ITGA8: variants seen among roughly 807,000 people sequenced by gnomAD.
ITGA8 encodes integrin alpha-8.
In ITGA8, 91 loss-of-function variants were observed where a neutral mutation model predicts 142.3. The observed-to-expected ratio is 0.64, with a 90% CI of 0.54 to 0.76. The LOEUF is 0.76. ITGA8 is among the 30% of genes least tolerant of loss of function. ITGA8 has a pLI of 0.00. For missense variants in ITGA8, 1,406 were observed against 1,327.7 expected (o/e 1.06, Z -0.92); for synonymous variants, 505 against 485.2 (o/e 1.04, Z -0.54).
At chr10:15,665,435 G>C (rs1834369931) in intron 8 of ITGA8, among the ~76,000 whole-genome samples, 1 of 152,106 alleles carries the variant, frequency 6.6e-6, no homozygotes, top group Non-Finnish European at 1.5e-5. Flanking sequence ...CAGATGAGTA[G>C]GTTGCAAAAA....
chr10:15,578,142 G>A (rs1399583092), intron 23 of ITGA8, among the ~76,000 whole-genome samples: 4 of 151,940 alleles, frequency 2.6e-5, no homozygotes, highest in African/African-American at 4.8e-5. Flanking sequence ...CTATCACCAC[G>A]AAGATCCCCT....
At chr10:15,679,025 TG>T (rs1318227213) in intron 4 of ITGA8, among the ~76,000 whole-genome samples, 1 of 152,240 alleles carries the variant, frequency 6.6e-6, no homozygotes, top group African/African-American at 2.4e-5. Flanking sequence ...ACATCCCTTT[TG>T]GCTACTCTAT....
intron 28 of ITGA8, among the ~76,000 whole-genome samples, chr10:15,529,938 A>T (rs72779932): frequency 6.0e-4 from 91 of 152,368 alleles, no homozygotes; most frequent in Non-Finnish European, 1.1e-3. Flanking sequence ...TGCTGATGCC[A>T]TTGATCTGCA....
intron 4 of ITGA8, 49 bp from the exon 5 acceptor site, chr10:15,678,832 T>C: frequency 8.4e-7 from 1 of 1,187,328 alleles, no homozygotes; most frequent in Non-Finnish European, 1.2e-6. Context: ...ATTCCTGAAA[T>C]ATTTTTTAAT....
chr10:15,548,509 T>C lies in ITGA8; in HGVS notation c.2826A>G (p.Gly942=). 6.2e-7 allele frequency: 1 copy of C among 1,601,098 alleles called. No individual in the cohort carries two copies. The highest frequency in any genetic ancestry group is 1.8e-5 in the Admixed American group (1 of 55,724). Residue 942 remains glycine (G), a synonymous_variant, in exon 27 of 30, where the codon GGA becomes GGG. Transcript: ENST00000378076. ...ISCAVGRLEG[G]ESAVLKVRSR... ...ACCTGACTTTCAGGACTGCGCTTTC[T>C]CCTCCTTCGAGTCGTCCCACTGCAC... is the stretch of plus-strand genomic sequence containing the variant.
chr10:15,524,749 T>C (rs1833136594), intron 28 of ITGA8, among the ~76,000 whole-genome samples: 1 of 152,224 alleles, frequency 6.6e-6, no homozygotes, highest in Non-Finnish European at 1.5e-5. Context: ...TCTTTAAATA[T>C]GTGTTAGTGC....
chr10:15,715,430 C>T (rs548691797), intron 2 of ITGA8, among the ~76,000 whole-genome samples: 1 of 152,292 alleles, frequency 6.6e-6, no homozygotes, highest in South Asian at 2.1e-4. Context: ...CTATCAGGGT[C>T]AATCCTCTCC....
intron 20 of ITGA8, among the ~76,000 whole-genome samples, chr10:15,602,828 T>A (rs1588668885): frequency 6.6e-6 from 1 of 152,162 alleles, no homozygotes; most frequent in East Asian, 1.9e-4. Context: ...ATGTTTGAAA[T>A]AACAGGGAAA....
chr10:15,638,973 C>T lies in ITGA8; in HGVS notation c.1399+5057G>A, dbSNP rs58365785. ...GAGACCCTGTCTCTACAAAAAAAAT[C>T]AAAAAATTAGCCAGGTATGGTGGCC... On this transcript the variant is annotated intron_variant, in intron 13 of 29. Coordinates refer to ENST00000378076, the MANE Select transcript of ITGA8 (RefSeq NM_003638.3). 1.3e-4 allele frequency among the ~76,000 whole-genome samples: 19 copies of T among 151,804 alleles called. 1 individual carries two copies. Among genetic ancestry groups the T allele is most frequent in the African/African-American group, 4.6e-4 (19 of 41,404 alleles).
chr10:15,526,477 A>G (rs900604132), intron 28 of ITGA8, among the ~76,000 whole-genome samples: 1 of 152,104 alleles, frequency 6.6e-6, no homozygotes, highest in Non-Finnish European at 1.5e-5. Flanking sequence ...CACCCGGCCC[A>G]TTATAAGATT....
rs556942571 is a variant in ITGA8 at position 15,649,979 on chromosome 10, A to C, written c.1002-2928T>G. ...ATGCATTTAAAACAGATATACATAC[A>C]AAAATATGCACAAAAATGTGCATAG... On this transcript the variant is annotated intron_variant, in intron 11 of 29. Transcript: ENST00000378076. Among the ~76,000 whole-genome samples, 3 of 152,366 alleles carry C rather than the reference A, an allele frequency of 2.0e-5. No homozygotes were observed. The East Asian group carries it at 5.8e-4, about 29-fold the overall frequency.
At chr10:15,663,213 G>C (rs1398894105) in intron 8 of ITGA8, among the ~76,000 whole-genome samples, 2 of 152,096 alleles carry the variant, frequency 1.3e-5, no homozygotes, top group Non-Finnish European at 2.9e-5. Flanking sequence ...GTAGTGGTCT[G>C]GTGAGCTGAT....
chr10:15,608,402 TACACAC>T (rs3041592), intron 15 of ITGA8, 112 bp from the exon 16 acceptor site: 100 of 497,952 alleles, frequency 2.0e-4, no homozygotes, highest in East Asian at 3.2e-4. Flanking sequence ...TATTTCTAAT[TACACAC>T]ACACACACAC....
chr10:15,707,376 T>A (rs1486988709), intron 2 of ITGA8, among the ~76,000 whole-genome samples: 1 of 152,058 alleles, frequency 6.6e-6, no homozygotes. Flanking sequence ...AAGGAAAGGA[T>A]CCCAGAGCCA....
Position 15,719,864 on chromosome 10 carries a change from G to A in ITGA8, c.-93C>T. The A allele has an allele frequency of 2.0e-6, 2 of 993,184 alleles. No homozygotes were observed. The highest frequency in any genetic ancestry group is 3.5e-5 in the South Asian group (1 of 28,580). The allele number at this position is 993,184 out of a possible 1,614,324, so 61.5% of individuals were successfully genotyped here. A position where few individuals can be genotyped will look rare whatever the true frequency, so the allele number is the denominator to read the frequency against. Reference sequence around the variant, plus strand: ...GGCTGGTGGAATCTGGCGGTCCCCAGCTGCCCGTGTCCCGGGTCGGTGCGC... The same window carrying A: ...GGCTGGTGGAATCTGGCGGTCCCCAACTGCCCGTGTCCCGGGTCGGTGCGC... On this transcript the variant is annotated 5_prime_UTR_variant, in exon 1 of 30. Coordinates refer to ENST00000378076, the MANE Select transcript of ITGA8 (RefSeq NM_003638.3).
chr10:15,578,556 G>A (rs559595623), intron 23 of ITGA8, among the ~76,000 whole-genome samples: 81 of 152,164 alleles, frequency 5.3e-4, no homozygotes, highest in African/African-American at 5.3e-4. Context: ...AAGTATATAC[G>A]CAATCAGGAA....
At chr10:15,597,402 A>C in intron 20 of ITGA8, 103 bp from the exon 21 acceptor site, 8 of 855,984 alleles carry the variant, frequency 9.3e-6, no homozygotes. Context: ...TCAAACACCC[A>C]GGAGGGCGAT....
intron 13 of ITGA8, among the ~76,000 whole-genome samples, chr10:15,639,085 G>C (rs1321021665): frequency 6.6e-6 from 1 of 151,702 alleles, no homozygotes; most frequent in Non-Finnish European, 1.5e-5. Flanking sequence ...GCTATGATTT[G>C]TGCCACTGCA....
chr10:15,651,230 G>T (rs1834079660), intron 11 of ITGA8, among the ~76,000 whole-genome samples: 1 of 152,054 alleles, frequency 6.6e-6, no homozygotes, highest in South Asian at 2.1e-4. Flanking sequence ...TTAGGCACGA[G>T]ATGAAAAATA....
Sources: allele counts gnomAD v4.1 joint callset (sites outside exome capture counted in the v4.1 genomes callset), GRCh38; gene constraint gnomAD v4.1.1; transcripts MANE v1.5; gene names NCBI Gene and HGNC (gene_info 2026-07-23, HGNC 2026-07-21).